Variants in CDH12 observed in about 807,000 individuals in gnomAD.
The protein encoded by CDH12 is cadherin 12.
In CDH12, 41 loss-of-function variants were observed where a neutral mutation model predicts 74.1. The observed-to-expected ratio is 0.55, with a 90% CI of 0.43 to 0.72. The LOEUF is 0.72. CDH12 is among the 30% of genes least tolerant of loss of function. CDH12 has a pLI of 0.00. For missense variants in CDH12, 945 were observed against 977.2 expected, an observed-to-expected ratio of 0.97 and a Z score of 0.44; for synonymous variants, 399 against 355.0, an observed-to-expected ratio of 1.12 and a Z score of -1.39.
intron 1 of CDH12, among the ~76,000 whole-genome samples, chr5:22,561,097 GA>G (rs1739027787): frequency 6.6e-6 from 1 of 152,020 alleles, no homozygotes; most frequent in South Asian, 2.1e-4. Flanking sequence ...AGTTTTAGTT[GA>G]AAAATAAAGG....
chr5:22,812,733 A>G (rs372001706), intron 1 of CDH12, among the ~76,000 whole-genome samples: 5 of 152,192 alleles, frequency 3.3e-5, no homozygotes, highest in African/African-American at 9.6e-5. Context: ...AGAAAAACCT[A>G]AACTGATTAA....
At chr5:22,712,028 G>A (rs389000) in intron 1 of CDH12, among the ~76,000 whole-genome samples, 45,122 of 151,676 alleles carry the variant, frequency 0.3, 6,903 homozygotes, top group Middle Eastern at 0.34. Flanking sequence ...AAATGTTTAT[G>A]CACATGTCTA....
At chr5:22,595,949 A>T (rs926281176) in intron 1 of CDH12, among the ~76,000 whole-genome samples, 1 of 150,644 alleles carries the variant, frequency 6.6e-6, no homozygotes, top group African/African-American at 2.4e-5. Flanking sequence ...AATAAAAAAA[A>T]TTAAAAAAAT....
At chr5:22,451,861 G>C (rs1174909626) in intron 2 of CDH12, among the ~76,000 whole-genome samples, 2 of 151,578 alleles carry the variant, frequency 1.3e-5, no homozygotes, top group African/African-American at 4.8e-5. Flanking sequence ...TAATAGAATT[G>C]TTATGACTTT....
intron 1 of CDH12, chr5:22,580,698 C>G: frequency 2.7e-6 from 1 of 375,508 alleles, no homozygotes; most frequent in Non-Finnish European, 5.4e-6. Context: ...TTTTAACATT[C>G]CCTGTGTTTG....
intron 6 of CDH12, among the ~76,000 whole-genome samples, chr5:21,861,447 G>A (rs1321146198): frequency 6.6e-6 from 1 of 151,992 alleles, no homozygotes; most frequent in Non-Finnish European, 1.5e-5. Flanking sequence ...GTAACAAAGT[G>A]AGTAGTACTT....
At chr5:22,725,187 T>C (rs1047525531) in intron 1 of CDH12, among the ~76,000 whole-genome samples, 44 of 152,060 alleles carry the variant, frequency 2.9e-4, no homozygotes, top group Non-Finnish European at 1.2e-4. Context: ...TCAGTTTTCT[T>C]GTCTACCTGT....
chr5:22,313,813 T>C (rs919279291), intron 3 of CDH12, among the ~76,000 whole-genome samples: 3 of 151,994 alleles, frequency 2.0e-5, no homozygotes, highest in African/African-American at 7.3e-5. Flanking sequence ...ATAATGAATT[T>C]TGGAGACTCA....
At chr5:22,521,727 A>C (rs1580729543) in intron 1 of CDH12, among the ~76,000 whole-genome samples, 1 of 152,180 alleles carries the variant, frequency 6.6e-6, no homozygotes, top group Admixed American at 6.6e-5. Context: ...GTGGTGTGAA[A>C]GCAGCCATAT....
chr5:22,079,642 G>C lies in CDH12; in HGVS notation c.-186-780C>G, dbSNP rs1742581743. On this transcript the variant is annotated intron_variant, in intron 4 of 14. Coordinates refer to ENST00000382254, the MANE Select transcript of CDH12 (RefSeq NM_004061.5). ...TTGACAATGTGAGTATTACTTTATA[G>C]ACGTTGTGTAGCTCAGAGAAAAGCT... 2.6e-5 allele frequency among the ~76,000 whole-genome samples: 4 copies of C among 152,188 alleles called. No individual in the cohort carries two copies. In the East Asian group the frequency reaches 5.8e-4, roughly 22 times the overall value.
chr5:22,351,145 G>C (rs548254363), intron 3 of CDH12, among the ~76,000 whole-genome samples: 1 of 152,256 alleles, frequency 6.6e-6, no homozygotes, highest in African/African-American at 2.4e-5. Context: ...ATATTATTGA[G>C]TGCCCTATCA....
chr5:22,263,079 A>T (rs1418185179), intron 3 of CDH12, among the ~76,000 whole-genome samples: 1 of 151,990 alleles, frequency 6.6e-6, no homozygotes, highest in African/African-American at 2.4e-5. Context: ...CAAAAAATAC[A>T]TGAAAAAATG....
At chr5:22,161,848 T>A (rs1748373729) in intron 4 of CDH12, among the ~76,000 whole-genome samples, 1 of 149,550 alleles carries the variant, frequency 6.7e-6, no homozygotes, top group South Asian at 2.1e-4. Context: ...TAGAGAAATA[T>A]ATATTTAAAA....
chr5:22,317,631 A>G (rs1738688522), intron 3 of CDH12, among the ~76,000 whole-genome samples: 1 of 152,162 alleles, frequency 6.6e-6, no homozygotes. Flanking sequence ...GTATAAAATG[A>G]CAAGTTCTAT....
intron 5 of CDH12, among the ~76,000 whole-genome samples, chr5:22,075,266 C>T (rs1334185682): frequency 2.2e-5 from 3 of 138,862 alleles, no homozygotes. Flanking sequence ...ACAATGAGAA[C>T]ACTCGGACAC....
chr5:22,295,624 C>T (rs139523059), intron 3 of CDH12, among the ~76,000 whole-genome samples: 1 of 152,126 alleles, frequency 6.6e-6, no homozygotes, highest in Non-Finnish European at 1.5e-5. Context: ...AGAGTTTGAA[C>T]AAATATGTGT....
At chr5:21,848,021 AAGT>A (rs1330491776) in intron 7 of CDH12, among the ~76,000 whole-genome samples, 1 of 152,130 alleles carries the variant, frequency 6.6e-6, no homozygotes, top group Non-Finnish European at 1.5e-5. Flanking sequence ...AAAATAAATA[AAGT>A]AGTGCATAAT....
chr5:22,096,824 C>T (rs574374407), intron 4 of CDH12, among the ~76,000 whole-genome samples: 26 of 152,218 alleles, frequency 1.7e-4, no homozygotes, highest in African/African-American at 5.8e-4. Context: ...GTCACAAGGC[C>T]GTCTTATTCT....
chr5:21,757,128 A>G (rs547219980), intron 13 of CDH12, among the ~76,000 whole-genome samples: 1 of 152,248 alleles, frequency 6.6e-6, no homozygotes, highest in East Asian at 1.9e-4. Context: ...CTTGAACTCA[A>G]TGTATGTGTC....
Sources: gnomAD v4.1 joint callset for allele counts (sites outside exome capture counted in the v4.1 genomes callset) on GRCh38, gnomAD v4.1.1 for gene constraint, MANE v1.5 for transcripts, NCBI Gene and HGNC (gene_info 2026-07-23, HGNC 2026-07-21) for gene names.